CDH4: variants seen among roughly 807,000 people sequenced by gnomAD.
CDH4 encodes the protein cadherin 4.
Under a neutral mutation model 86.0 loss-of-function variants are expected in CDH4, and 33 were observed. The ratio of observed to expected loss-of-function variants is 0.38; its 90% confidence interval spans 0.29 to 0.51. The LOEUF (loss-of-function observed/expected upper bound fraction) is 0.51, where lower values mean the gene tolerates loss of function less well. Ranked by LOEUF, CDH4 falls within the 20% of genes least tolerant of loss-of-function variation. The pLI is 0.86. For missense variants in CDH4, 1,114 were observed against 1,307.4 expected, an observed-to-expected ratio of 0.85 and a Z score of 2.28; for synonymous variants, 555 against 549.4, an observed-to-expected ratio of 1.01 and a Z score of -0.14.
At chr20:61,910,957 A>G (rs373751429) in intron 9 of CDH4, among the ~76,000 whole-genome samples, 10 of 152,334 alleles carry the variant, frequency 6.6e-5, no homozygotes, top group African/African-American at 2.4e-4. Context: ...GTAGTGAGGT[A>G]ATATTTTGTA....
intron 4 of CDH4, among the ~76,000 whole-genome samples, chr20:61,788,742 A>G (rs532250398): frequency 5.3e-5 from 8 of 152,346 alleles, no homozygotes; most frequent in African/African-American, 1.4e-4. Context: ...CTAAGGAGGG[A>G]AAGCCACCTC....
At chr20:61,279,570 C>CT (rs1667269473) in intron 2 of CDH4, among the ~76,000 whole-genome samples, 1 of 152,286 alleles carries the variant, frequency 6.6e-6, no homozygotes, top group South Asian at 2.1e-4. Context: ...CCTGCATCCT[C>CT]TGTCTAGAGC....
At chr20:61,571,837 G>A (rs976476983) in intron 2 of CDH4, among the ~76,000 whole-genome samples, 3 of 146,192 alleles carry the variant, frequency 2.1e-5, no homozygotes, top group East Asian at 2.1e-4. Context: ...ATCATGCTGC[G>A]CCAGGCACCA....
At chr20:61,633,665 C>T (rs1399978710) in intron 2 of CDH4, among the ~76,000 whole-genome samples, 2 of 152,322 alleles carry the variant, frequency 1.3e-5, no homozygotes, top group Non-Finnish European at 2.9e-5. Flanking sequence ...GTGAGTTGTA[C>T]AACCTTCCTG....
At chr20:61,356,631 T>C (rs947894971) in intron 2 of CDH4, among the ~76,000 whole-genome samples, 11 of 152,230 alleles carry the variant, frequency 7.2e-5, no homozygotes, top group East Asian at 1.9e-4. Context: ...TCCCCAAAGC[T>C]TGCACCGTAT....
At chr20:61,602,632 C>T (rs73138683) in intron 2 of CDH4, among the ~76,000 whole-genome samples, 5,864 of 148,392 alleles carry the variant, frequency 0.04, 158 homozygotes, top group Middle Eastern at 0.095. Context: ...GGGGAAAAAC[C>T]CTGAAGCTGC....
chr20:61,416,915 G>T (rs2085150284), intron 2 of CDH4, among the ~76,000 whole-genome samples: 1 of 151,972 alleles, frequency 6.6e-6, no homozygotes, highest in Admixed American at 6.5e-5. Flanking sequence ...CTGCCTTTGG[G>T]GAGAAGTGGA....
chr20:61,400,886 C>G (rs149061925), intron 2 of CDH4, among the ~76,000 whole-genome samples: 157 of 152,356 alleles, frequency 1.0e-3, no homozygotes, highest in African/African-American at 3.2e-3. Context: ...ACCTTGTGAG[C>G]TCCTAACTAC....
chr20:61,645,783 A>G (rs1166842654), intron 2 of CDH4, among the ~76,000 whole-genome samples: 1 of 152,112 alleles, frequency 6.6e-6, no homozygotes, highest in Non-Finnish European at 1.5e-5. Context: ...CTAAGGGGGA[A>G]ACTGAGTCAC....
rs1337878558 is a variant in CDH4 at position 61,285,077 on chromosome 20, TTTTTTTTG to T, written c.169+30144_169+30151del. Among the ~76,000 whole-genome samples the T allele has an allele frequency of 8.7e-3, 1,277 of 147,392 alleles. 16 individuals are homozygous for T. The highest frequency in any genetic ancestry group is 0.032 in the African/African-American group (1,203 of 38,000). The stretch of plus-strand genomic sequence containing the variant: ...TGCTCAGCCCAGCCTTTCCTGTTTT[TTTTTTTTG>T]TTTGTTTGTTTGTTTGTTTGTTTTC... On this transcript the variant is annotated intron_variant, in intron 2 of 15. Coordinates refer to ENST00000614565, the MANE Select transcript of CDH4 (RefSeq NM_001794.5).
At chr20:61,267,465 C>G (rs1411645836) in intron 2 of CDH4, among the ~76,000 whole-genome samples, 1 of 152,186 alleles carries the variant, frequency 6.6e-6, no homozygotes, top group African/African-American at 2.4e-5. Context: ...CGGCTTGAAA[C>G]AGTGCTGGGT....
intron 2 of CDH4, among the ~76,000 whole-genome samples, chr20:61,381,715 G>A (rs1462581885): frequency 6.6e-6 from 1 of 151,964 alleles, no homozygotes; most frequent in East Asian, 1.9e-4. Context: ...CCCCAATTTG[G>A]CCTTTGCATA....
chr20:61,392,346 G>A lies in CDH4; in HGVS notation c.169+137409G>A, dbSNP rs1446871923. Among the ~76,000 whole-genome samples, 4 of 152,108 alleles carry A rather than the reference G, an allele frequency of 2.6e-5. No homozygotes were observed. The highest frequency in any genetic ancestry group is 1.9e-4 in the East Asian group (1 of 5,190). On this transcript the variant is annotated intron_variant, in intron 2 of 15. Coordinates refer to ENST00000614565, the MANE Select transcript of CDH4 (RefSeq NM_001794.5). This position sits in a 1 kb window ranked among gnomAD's most constrained non-coding sequence, Gnocchi z 5.7. ...GAAGCAGAGGCTCCCCTGCGATTCC[G>A]CTCGGAGTCCCACGCTGCTCAGTAT...
At chr20:61,735,113 C>G (rs550041648) in intron 2 of CDH4, among the ~76,000 whole-genome samples, 1 of 152,214 alleles carries the variant, frequency 6.6e-6, no homozygotes, top group South Asian at 2.1e-4. Flanking sequence ...CTGGGCTGAT[C>G]TGGAGATCTC....
chr20:61,565,257 ATGGTGGTG>A (rs1568688716), intron 2 of CDH4, among the ~76,000 whole-genome samples: 1,723 of 14,600 alleles, frequency 0.12, 123 homozygotes, highest in Middle Eastern at 0.24. Flanking sequence ...GCTCTTGGTG[ATGGTGGTG>A]GTGGTCCTCT....
At position 61,894,901 on chromosome 20, in the gene CDH4, C is replaced by G; in HGVS notation, c.1051-9C>G. ...TTCTGTTCTTTCTCAACTGGTGTCTCCCTTCCAGAAAGTTCAGCAGTACAC... is the reference window on the plus strand; with the variant it reads ...TTCTGTTCTTTCTCAACTGGTGTCTGCCTTCCAGAAAGTTCAGCAGTACAC... On this transcript the variant is annotated splice_polypyrimidine_tract_variant and intron_variant, in intron 7 of 15. Transcript: ENST00000614565. The G allele has an allele frequency of 6.2e-7, 1 of 1,608,862 alleles. No individual in the cohort carries two copies. Among genetic ancestry groups the G allele is most frequent in the Non-Finnish European group, 8.5e-7 (1 of 1,177,778 alleles).
chr20:61,644,694 T>A (rs2087043989), intron 2 of CDH4, among the ~76,000 whole-genome samples: 1 of 152,108 alleles, frequency 6.6e-6, no homozygotes, highest in Admixed American at 6.5e-5. Flanking sequence ...TTCAACAACA[T>A]CAACAATCCG....
intron 2 of CDH4, among the ~76,000 whole-genome samples, chr20:61,353,696 C>CT (rs1284197750): frequency 0.014 from 47 of 3,388 alleles, no homozygotes; most frequent in South Asian, 0.028. Context: ...CTCCTCCTCC[C>CT]CTCCTCCTCC....
intron 4 of CDH4, among the ~76,000 whole-genome samples, chr20:61,780,153 G>A (rs917138848): frequency 2.0e-5 from 3 of 152,128 alleles, no homozygotes; most frequent in Non-Finnish European, 4.4e-5. Context: ...CCACCCCTTG[G>A]CACAGCAAGC....
Sources: gnomAD v4.1 joint callset for allele counts (sites outside exome capture counted in the v4.1 genomes callset) on GRCh38, gnomAD v4.1.1 for gene constraint, Gnocchi (gnomAD v3.1) non-coding constraint, MANE v1.5 for transcripts, NCBI Gene and HGNC (gene_info 2026-07-23, HGNC 2026-07-21) for gene names.